CTNNA3: variants seen among roughly 807,000 people sequenced by gnomAD.
The protein encoded by CTNNA3 is catenin alpha 3, also known as catenin alpha-3.
A neutral mutation model predicts 95.7 loss-of-function variants in CTNNA3; 76 were observed. That is an observed-to-expected ratio of 0.79 (90% CI 0.66 to 0.96). The LOEUF is 0.96. CTNNA3 is among the 40% of genes least tolerant of loss of function. CTNNA3 has a pLI of 0.00. For missense variants in CTNNA3, 1,191 were observed against 1,089.8 expected (o/e 1.09, Z -1.31); for synonymous variants, 431 against 374.4 (o/e 1.15, Z -1.74).
intron 5 of CTNNA3, among the ~76,000 whole-genome samples, chr10:67,337,731 G>A (rs557792443): frequency 1.3e-5 from 2 of 152,260 alleles, no homozygotes; most frequent in African/African-American, 2.4e-5. Context: ...TCAATCAACA[G>A]CCATCAACAT....
chr10:66,240,845 T>G (rs1382898246), intron 13 of CTNNA3, among the ~76,000 whole-genome samples: 1 of 152,024 alleles, frequency 6.6e-6, no homozygotes, highest in Non-Finnish European at 1.5e-5. Flanking sequence ...CCTCAAAAGT[T>G]TTTTAAGTAA....
chr10:66,310,990 T>C (rs2092012799), intron 12 of CTNNA3, among the ~76,000 whole-genome samples: 1 of 152,146 alleles, frequency 6.6e-6, no homozygotes, highest in Admixed American at 6.5e-5. Context: ...ACTCTTACTT[T>C]TGGAAGTTGA....
At chr10:66,645,852 T>G (rs1273011861) in intron 9 of CTNNA3, among the ~76,000 whole-genome samples, 1 of 152,158 alleles carries the variant, frequency 6.6e-6, no homozygotes, top group Non-Finnish European at 1.5e-5. Context: ...TTGTCTTCCA[T>G]GAAACTGGTC....
intron 7 of CTNNA3, among the ~76,000 whole-genome samples, chr10:66,902,558 C>CA (rs947083887): frequency 5.3e-5 from 8 of 151,694 alleles, no homozygotes; most frequent in East Asian, 1.9e-4. Context: ...GATAGAGACA[C>CA]AAAAAAACAC....
intron 12 of CTNNA3, among the ~76,000 whole-genome samples, chr10:66,331,240 T>A (rs1012464458): frequency 4.0e-5 from 6 of 151,816 alleles, no homozygotes; most frequent in African/African-American, 1.5e-4. Flanking sequence ...AATTAATTTG[T>A]GTATAAGGTG....
intron 13 of CTNNA3, among the ~76,000 whole-genome samples, chr10:66,156,610 T>G (rs190694159): frequency 1.9e-4 from 28 of 151,176 alleles, no homozygotes; most frequent in African/African-American, 6.3e-4. Context: ...AAATGTCAAG[T>G]GGTGAAAATG....
chr10:66,812,665 G>C (rs1213985284), intron 7 of CTNNA3, among the ~76,000 whole-genome samples: 1 of 151,960 alleles, frequency 6.6e-6, no homozygotes, highest in African/African-American at 2.4e-5. Context: ...TTTGGGAACA[G>C]TAAAAATATT....
chr10:66,733,173 A>G (rs1849017844), intron 9 of CTNNA3, among the ~76,000 whole-genome samples: 1 of 151,920 alleles, frequency 6.6e-6, no homozygotes, highest in Admixed American at 6.6e-5. Context: ...TTTAGAAAAA[A>G]AAGAAGAAAA....
chr10:66,496,018 A>C (rs983178613), intron 11 of CTNNA3, among the ~76,000 whole-genome samples: 12 of 152,190 alleles, frequency 7.9e-5, no homozygotes, highest in African/African-American at 2.7e-4. Flanking sequence ...TAATGACAAC[A>C]ATCTAAGGAA....
chr10:66,969,730 T>C (rs950841060), intron 7 of CTNNA3, among the ~76,000 whole-genome samples: 5 of 152,142 alleles, frequency 3.3e-5, no homozygotes, highest in Non-Finnish European at 5.9e-5. Context: ...GCTGGTGAGA[T>C]TGAATTTTTT....
chr10:67,226,583 C>A (rs1417273835), intron 5 of CTNNA3, among the ~76,000 whole-genome samples: 2 of 152,152 alleles, frequency 1.3e-5, no homozygotes, highest in Non-Finnish European at 2.9e-5. Flanking sequence ...CCTTGTCAAA[C>A]AAAACAATTA....
At chr10:67,124,172 G>C (rs1859598172) in intron 7 of CTNNA3, among the ~76,000 whole-genome samples, 1 of 152,106 alleles carries the variant, frequency 6.6e-6, no homozygotes, top group Non-Finnish European at 1.5e-5. Context: ...AAAATGTTCA[G>C]ACCTCTCAAT....
At chr10:66,096,617 G>A (rs966912264) in intron 14 of CTNNA3, among the ~76,000 whole-genome samples, 4 of 150,606 alleles carry the variant, frequency 2.7e-5, no homozygotes, top group Non-Finnish European at 4.4e-5. Context: ...TCCACCTCCT[G>A]GGTTCAAGCA....
rs1488475441 is a variant in CTNNA3 at position 66,064,838 on chromosome 10, G to GT, written c.2159+4469dup. ...TCCCTGCTTTTTGTTCAAATTTTGT[G>GT]TTTTTTTGTTTATTCCTGGTTCCTT... is the stretch of plus-strand genomic sequence containing the variant. On this transcript the variant is annotated intron_variant, in intron 15 of 17. Transcript: ENST00000433211. Among the ~76,000 whole-genome samples, 7 of 152,096 alleles carry GT rather than the reference G, an allele frequency of 4.6e-5. No homozygotes were observed. In the South Asian group the frequency reaches 6.2e-4, roughly 14 times the overall value.
chr10:66,168,482 C>T (rs1004558035), intron 13 of CTNNA3, among the ~76,000 whole-genome samples: 2 of 152,056 alleles, frequency 1.3e-5, no homozygotes, highest in Non-Finnish European at 2.9e-5. Context: ...TTGAGCAAGC[C>T]AAACTCATTA....
intron 13 of CTNNA3, among the ~76,000 whole-genome samples, chr10:66,217,981 G>A (rs2088663709): frequency 6.6e-6 from 1 of 152,072 alleles, no homozygotes; most frequent in Admixed American, 6.6e-5. Flanking sequence ...CTGGAGCCAG[G>A]AGAAGCTTAA....
chr10:66,527,314 GT>G (rs1252874499), intron 10 of CTNNA3, among the ~76,000 whole-genome samples: 1 of 152,080 alleles, frequency 6.6e-6, no homozygotes, highest in Non-Finnish European at 1.5e-5. Flanking sequence ...ATTGCAGTTT[GT>G]AATGAATTTT....
At chr10:66,928,419 C>T in intron 7 of CTNNA3, 1 of 1,611,112 alleles carries the variant, frequency 6.2e-7, no homozygotes, top group South Asian at 1.1e-5. Context: ...CGGGACCCTG[C>T]ACCTATAACA....
At chr10:67,389,449 C>T (rs1243767051) in intron 5 of CTNNA3, among the ~76,000 whole-genome samples, 1 of 151,938 alleles carries the variant, frequency 6.6e-6, no homozygotes, top group Non-Finnish European at 1.5e-5. Context: ...TAGACTCCCA[C>T]ACATTAAAAA....
Sources: allele counts gnomAD v4.1 joint callset (sites outside exome capture counted in the v4.1 genomes callset), GRCh38; gene constraint gnomAD v4.1.1; transcripts MANE v1.5; gene names NCBI Gene and HGNC (gene_info 2026-07-23, HGNC 2026-07-21).